CMYA5: variants seen among roughly 807,000 people sequenced by gnomAD.
CMYA5 encodes the protein cardiomyopathy-associated protein 5.
CMYA5 carries 246 observed loss-of-function variants against 318.9 expected under a neutral mutation model. The observed-to-expected ratio is 0.77, with a 90% CI of 0.70 to 0.86. The LOEUF is 0.86. CMYA5 is among the 40% of genes least tolerant of loss of function. CMYA5 has a pLI of 0.00. For missense variants in CMYA5, 4,589 were observed against 4,678.2 expected (o/e 0.98, Z 0.56); for synonymous variants, 1,641 against 1,729.5 (o/e 0.95, Z 1.27).
Position 79,734,667 on chromosome 5 carries a change from T to C in CMYA5, c.5902T>C (p.Ser1968Pro). Residue 1968 changes from serine to proline, a missense_variant, in exon 2 of 13, where the codon TCC (serine) becomes CCC (proline). Ser to Pro is a moderately conservative substitution (Grantham distance 74). Coordinates refer to ENST00000446378, the MANE Select transcript of CMYA5 (RefSeq NM_153610.5). ...SQEAVSALDT[S>P]SGNTETLSSK... ...AGAAGCAGTATCTGCTCTTGATACT[T>C]CCAGTGGTAATACAGAGACCTTATC... The C allele has an allele frequency of 6.2e-7, 1 of 1,613,852 alleles. No homozygotes were observed. Among genetic ancestry groups the C allele is most frequent in the Non-Finnish European group, 8.5e-7 (1 of 1,179,798 alleles).
In CMYA5 at chr5:79,731,614, C is replaced by T; in HGVS notation, c.2849C>T (p.Ala950Val). 7 of 1,613,676 alleles carry T rather than the reference C, an allele frequency of 4.3e-6. No individual in the cohort carries two copies. Among genetic ancestry groups the T allele is most frequent in the Non-Finnish European group, 5.9e-6 (7 of 1,179,788 alleles). Reference protein sequence around the residue: ...EDIGPFSPDSAFVSEFSFPPY... With the variant: ...EDIGPFSPDSVFVSEFSFPPY... Reference sequence around the variant, plus strand: ...ATTGGACCTTTTTCTCCAGATTCTGCATTTGTGTCAGAATTCTCATTTCCA... The same window carrying T: ...ATTGGACCTTTTTCTCCAGATTCTGTATTTGTGTCAGAATTCTCATTTCCA... The change falls in exon 2 of 13, where the codon GCA becomes GTA. Residue 950 changes from alanine (A) to valine (V), a missense_variant. By Grantham distance (64) the Ala-to-Val change is moderately conservative (BLOSUM62 0). Transcript: ENST00000446378.
rs753579936 is a variant in CMYA5 at position 79,745,409 on chromosome 5, C to T, written c.10922C>T (p.Thr3641Ile). The T allele has an allele frequency of 2.5e-6, 4 of 1,613,818 alleles. No individual in the cohort carries two copies. In the South Asian group the frequency reaches 4.4e-5, roughly 18 times the overall value. The change falls in exon 4 of 13, where the codon ACC (threonine) becomes ATC (isoleucine). Residue 3641 changes from threonine (T) to isoleucine (I), a missense_variant. By Grantham distance (89) the Thr-to-Ile change is moderately conservative. Transcript: ENST00000446378. ...GACACTGCCAAAGACACCCTGGAGA[C>T]CATCGTGAGAGAAGCAGAGGAGCTT... ...SMDTAKDTLE[T>I]IVREAEELDE...
intron 4 of CMYA5, among the ~76,000 whole-genome samples, chr5:79,745,679 A>G (rs1029380585): frequency 5.9e-5 from 9 of 152,238 alleles, no homozygotes; most frequent in Non-Finnish European, 1.2e-4. Context: ...TACAGCTGAA[A>G]GAGACAGCCT....
chr5:79,738,660 A>G lies in CMYA5; in HGVS notation c.9895A>G (p.Lys3299Glu). 1 of 1,613,946 alleles carries G rather than the reference A, an allele frequency of 6.2e-7. No individual in the cohort carries two copies. Among genetic ancestry groups the G allele is most frequent in the Non-Finnish European group, 8.5e-7 (1 of 1,179,864 alleles). ...ICREKSLEEQKGVYGEGESVD... is the reference protein window; with the variant it reads ...ICREKSLEEQEGVYGEGESVD... ...CAGGGAGAAGAGTCTGGAAGAACAGAAAGGTGTTTATGGGGAAGGAGAATC... is the reference window on the plus strand; with the variant it reads ...CAGGGAGAAGAGTCTGGAAGAACAGGAAGGTGTTTATGGGGAAGGAGAATC... The change falls in exon 2 of 13, where the codon AAA (lysine) becomes GAA (glutamate). Residue 3299 changes from lysine (K) to glutamate (E), a missense_variant. By Grantham distance (56) the Lys-to-Glu change is moderately conservative. Coordinates refer to ENST00000446378, the MANE Select transcript of CMYA5 (RefSeq NM_153610.5).
intron 1 of CMYA5, among the ~76,000 whole-genome samples, chr5:79,699,158 A>AAAC (rs138388164): frequency 0.081 from 12,329 of 151,912 alleles, 577 homozygotes; most frequent in East Asian, 0.16. Context: ...ACTCTGTCTC[A>AAAC]AACAACAACA....
chr5:79,728,285 G>C (rs893770958), intron 1 of CMYA5, among the ~76,000 whole-genome samples: 23 of 151,990 alleles, frequency 1.5e-4, no homozygotes, highest in African/African-American at 4.3e-4. Flanking sequence ...AAGAATGTCA[G>C]ATAGGGATTA....
At position 79,735,287 on chromosome 5, in the gene CMYA5, A is replaced by T. The variant is rs753822182; in HGVS notation, c.6522A>T (p.Gly2174=). 5 of 1,613,738 alleles carry T rather than the reference A, an allele frequency of 3.1e-6. No individual in the cohort carries two copies. In the South Asian group the frequency reaches 5.5e-5, roughly 18 times the overall value. The change falls in exon 2 of 13, where the codon GGA becomes GGT. Residue 2174 remains glycine (G), a synonymous_variant. Transcript: ENST00000446378. The part of the protein sequence containing the change: ...PDLPEEKGKK[G]ISSFKSWMSS... The stretch of plus-strand genomic sequence containing the variant: ...TTCCTGAGGAAAAGGGAAAGAAAGG[A>T]ATTTCATCTTTCAAATCGTGGATGT...
In CMYA5 at chr5:79,730,110, G is replaced by A; in HGVS notation, c.1345G>A (p.Asp449Asn). The change falls in exon 2 of 13, where the codon GAT becomes AAT. Residue 449 changes from aspartate (D) to asparagine (N), a missense_variant. Asp to Asn is a conservative substitution (Grantham distance 23). Around this residue, in one of 3 missense-constraint regions of CMYA5, gnomAD observed 2,132 missense variants for 2,131.3 expected, o/e 1.00. Coordinates refer to ENST00000446378, the MANE Select transcript of CMYA5 (RefSeq NM_153610.5). ...ASPGLAASTQ[D>N]GLDPDQEQPD... is the part of the protein sequence containing the mutation. ...ACCAGGTCTGGCAGCATCTACCCAG[G>A]ATGGTTTGGACCCAGACCAAGAACA... 2 of 1,613,766 alleles carry A rather than the reference G, an allele frequency of 1.2e-6. No individual in the cohort carries two copies. Among genetic ancestry groups the A allele is most frequent in the Non-Finnish European group, 1.7e-6 (2 of 1,179,888 alleles).
chr5:79,752,006 T>C (rs889069210), intron 5 of CMYA5, among the ~76,000 whole-genome samples: 1 of 152,212 alleles, frequency 6.6e-6, no homozygotes, highest in African/African-American at 2.4e-5. Flanking sequence ...TTTGTTTAAA[T>C]CCACATTTCA....
intron 9 of CMYA5, among the ~76,000 whole-genome samples, chr5:79,777,677 A>C (rs1828962571): frequency 6.6e-6 from 1 of 152,120 alleles, no homozygotes; most frequent in Non-Finnish European, 1.5e-5. Flanking sequence ...TGGGAGGCTG[A>C]GGCAGGAGAA....
At chr5:79,713,110 C>G (rs546801418) in intron 1 of CMYA5, among the ~76,000 whole-genome samples, 1 of 152,290 alleles carries the variant, frequency 6.6e-6, no homozygotes, top group South Asian at 2.1e-4. Context: ...TTGGTGTTGC[C>G]TATGGTTGAG....
In CMYA5 at chr5:79,734,337, A is replaced by G. The variant is rs1466508361; in HGVS notation, c.5572A>G (p.Arg1858Gly). ...DLGIKQFSLM[R>G]ENLPLEQSKS... The stretch of plus-strand genomic sequence containing the variant: ...GGGTATTAAGCAGTTTTCACTTATG[A>G]GAGAGAATTTGCCTTTGGAACAATC... Residue 1858 changes from arginine (R) to glycine (G), a missense_variant, in exon 2 of 13, where the codon AGA becomes GGA. By Grantham distance (125) the Arg-to-Gly change is moderately radical. Transcript: ENST00000446378. 6.2e-7 allele frequency: 1 copy of G among 1,613,870 alleles called. No homozygotes were observed. The highest frequency in any genetic ancestry group is 2.2e-5 in the East Asian group (1 of 44,882).
At chr5:79,742,092 CTTCT>C in intron 2 of CMYA5, among the ~76,000 whole-genome samples, 1 of 118,166 alleles carries the variant, frequency 8.5e-6, no homozygotes, top group Admixed American at 8.6e-5. Context: ...TCTTCTTCTT[CTTCT>C]TCTTTCTTCT....
chr5:79,795,562 C>T (rs1829261449), intron 12 of CMYA5, among the ~76,000 whole-genome samples: 1 of 152,218 alleles, frequency 6.6e-6, no homozygotes, highest in Admixed American at 6.5e-5. Flanking sequence ...TCTCTACCCA[C>T]TCGCAACTGG....
chr5:79,741,889 C>G (rs1158729039), intron 2 of CMYA5, among the ~76,000 whole-genome samples: 1 of 151,918 alleles, frequency 6.6e-6, no homozygotes, highest in East Asian at 1.9e-4. Context: ...CTTCTCTAAA[C>G]AGTATGAGAA....
chr5:79,797,694 T>C (rs1829297701), intron 12 of CMYA5, among the ~76,000 whole-genome samples: 1 of 152,206 alleles, frequency 6.6e-6, no homozygotes, highest in Non-Finnish European at 1.5e-5. Flanking sequence ...CACACATGTC[T>C]AGTGGCTACT....
chr5:79,785,014 C>G (rs1420245429), intron 9 of CMYA5, among the ~76,000 whole-genome samples: 2 of 151,728 alleles, frequency 1.3e-5, no homozygotes, highest in Admixed American at 6.6e-5. Flanking sequence ...AGTAGGAAAT[C>G]CTACTTTTTT....
In CMYA5 at chr5:79,730,995, C is replaced by T; in HGVS notation, c.2230C>T (p.Pro744Ser). Residue 744 changes from proline to serine, a missense_variant, in exon 2 of 13, where the codon CCA becomes TCA. Around this residue, in one of 3 missense-constraint regions of CMYA5, gnomAD observed 2,132 missense variants for 2,131.3 expected, o/e 1.00. Transcript: ENST00000446378. ...EEKEDTGSFT[P>S]AVAPASEPSL... The stretch of plus-strand genomic sequence containing the variant: ...GAAGGAAGACACTGGATCGTTTACT[C>T]CAGCTGTGGCCCCTGCTTCTGAGCC... The T allele has an allele frequency of 1.2e-6, 2 of 1,613,984 alleles. No homozygotes were observed. Among genetic ancestry groups the T allele is most frequent in the Non-Finnish European group, 1.7e-6 (2 of 1,179,890 alleles).
At chr5:79,793,380 T>G (rs1292242658) in intron 11 of CMYA5, 57 bp from the exon 12 acceptor site, 653 of 1,502,388 alleles carry the variant, frequency 4.3e-4, no homozygotes, top group Non-Finnish European at 5.5e-4. Flanking sequence ...TTTATGCTTA[T>G]GAGATACAGG....
Sources: allele counts gnomAD v4.1 joint callset (sites outside exome capture counted in the v4.1 genomes callset), GRCh38; gene constraint gnomAD v4.1.1; regional missense constraint gnomAD v4.1.1; transcripts MANE v1.5; gene names NCBI Gene and HGNC (gene_info 2026-07-23, HGNC 2026-07-21).